The following VWC2L variants were observed in gnomAD, a reference collection of about 807,000 sequenced individuals.
VWC2L encodes the protein von Willebrand factor C domain containing 2 like, also known as von Willebrand factor C domain-containing protein 2-like.
VWC2L carries 10 observed loss-of-function variants against 21.6 expected under a neutral mutation model. That is an observed-to-expected ratio of 0.46 (90% confidence interval 0.29 to 0.78). VWC2L has a LOEUF of 0.78. VWC2L is among the 30% of genes least tolerant of loss of function. The pLI, the probability that VWC2L is intolerant of heterozygous loss-of-function variation, is 0.10. For missense variants in VWC2L, 209 were observed against 277.1 expected (o/e 0.75, Z 1.74); for synonymous variants, 96 against 94.3 (o/e 1.02, Z -0.10).
chr2:214,548,416 A>G (rs1187489389), intron 3 of VWC2L, among the ~76,000 whole-genome samples: 1 of 152,272 alleles, frequency 6.6e-6, no homozygotes, highest in African/African-American at 2.4e-5. Context: ...TAAACAGTGC[A>G]AGCCAGGACT....
chr2:214,570,889 G>A (rs1690139918), intron 3 of VWC2L, among the ~76,000 whole-genome samples: 1 of 152,138 alleles, frequency 6.6e-6, no homozygotes, highest in Non-Finnish European at 1.5e-5. Context: ...CAGGTCTCCT[G>A]AGTTATGGGC....
chr2:214,516,247 G>A (rs1199498319), intron 3 of VWC2L, among the ~76,000 whole-genome samples: 1 of 151,990 alleles, frequency 6.6e-6, no homozygotes, highest in African/African-American at 2.4e-5. Context: ...ACTCTTCTCG[G>A]TGTATCGCCC....
intron 3 of VWC2L, among the ~76,000 whole-genome samples, chr2:214,475,243 C>A (rs1041795604): frequency 2.0e-5 from 3 of 151,914 alleles, no homozygotes; most frequent in Non-Finnish European, 4.4e-5. Flanking sequence ...CCAAATGGAC[C>A]AGGGATGACA....
At chr2:214,426,228 T>C (rs1702523379) in intron 2 of VWC2L, among the ~76,000 whole-genome samples, 1 of 140,938 alleles carries the variant, frequency 7.1e-6, no homozygotes, top group South Asian at 2.3e-4. Flanking sequence ...AAGGAAGATA[T>C]GCTAAGAGTG....
At chr2:214,447,800 A>C (rs958234706) in intron 3 of VWC2L, among the ~76,000 whole-genome samples, 1 of 151,912 alleles carries the variant, frequency 6.6e-6, no homozygotes, top group Non-Finnish European at 1.5e-5. Flanking sequence ...CTCCGTCTAA[A>C]CCTTCTTGGG....
At chr2:214,551,355 T>C (rs1689791799) in intron 3 of VWC2L, among the ~76,000 whole-genome samples, 1 of 152,218 alleles carries the variant, frequency 6.6e-6, no homozygotes, top group Non-Finnish European at 1.5e-5. Flanking sequence ...CCTTGAGCTG[T>C]AATAAATTTA....
intron 3 of VWC2L, among the ~76,000 whole-genome samples, chr2:214,549,632 G>A (rs1689761563): frequency 6.6e-6 from 1 of 152,170 alleles, no homozygotes; most frequent in Non-Finnish European, 1.5e-5. Context: ...AATTAGCCGG[G>A]CGTGGTGGTG....
chr2:214,481,441 G>T (rs1439994206), intron 3 of VWC2L, among the ~76,000 whole-genome samples: 4 of 152,160 alleles, frequency 2.6e-5, no homozygotes, highest in African/African-American at 9.7e-5. Flanking sequence ...ATTTTTAGAT[G>T]TTCTTGAAAT....
At chr2:214,553,855 G>A (rs1051569205) in intron 3 of VWC2L, among the ~76,000 whole-genome samples, 3 of 152,010 alleles carry the variant, frequency 2.0e-5, no homozygotes, top group African/African-American at 7.2e-5. Flanking sequence ...TTCATTTTTG[G>A]TTTACAGCAC....
intron 3 of VWC2L, among the ~76,000 whole-genome samples, chr2:214,483,880 T>C (rs1688640827): frequency 6.6e-6 from 1 of 152,150 alleles, no homozygotes; most frequent in African/African-American, 2.4e-5. Flanking sequence ...TACCATGAAC[T>C]GAGTGGCTTG....
chr2:214,417,072 C>T (rs902190429), intron 2 of VWC2L, among the ~76,000 whole-genome samples: 5 of 152,054 alleles, frequency 3.3e-5, no homozygotes, highest in African/African-American at 1.2e-4. Flanking sequence ...AAATATTAGC[C>T]ATAATCTGTC....
intron 1 of VWC2L, among the ~76,000 whole-genome samples, 178 bp from the exon 2 acceptor site, chr2:214,413,936 A>G (rs1372819195): frequency 1.3e-5 from 2 of 152,180 alleles, no homozygotes; most frequent in Non-Finnish European, 2.9e-5. Flanking sequence ...TAATGCATAT[A>G]TTGCCAAGTA....
At chr2:214,450,679 C>G (rs1335528500) in intron 3 of VWC2L, among the ~76,000 whole-genome samples, 1 of 151,988 alleles carries the variant, frequency 6.6e-6, no homozygotes, top group East Asian at 1.9e-4. Context: ...ATAGAGGGCT[C>G]CTGGGAGAGA....
intron 3 of VWC2L, among the ~76,000 whole-genome samples, chr2:214,513,248 T>A (rs1177105176): frequency 6.6e-6 from 1 of 152,126 alleles, no homozygotes; most frequent in Non-Finnish European, 1.5e-5. Flanking sequence ...CACTAGACCT[T>A]TCCCCTGACC....
At chr2:214,554,740 C>A (rs184937470) in intron 3 of VWC2L, among the ~76,000 whole-genome samples, 1 of 152,146 alleles carries the variant, frequency 6.6e-6, no homozygotes, top group Admixed American at 6.6e-5. Context: ...AAAGAGAAAT[C>A]TTAAGACTGA....
chr2:214,536,104 GC>G (rs778458839), intron 3 of VWC2L, among the ~76,000 whole-genome samples: 5 of 152,190 alleles, frequency 3.3e-5, no homozygotes, highest in Non-Finnish European at 5.9e-5. Flanking sequence ...CACCATTAGA[GC>G]CCCCATGACT....
At chr2:214,424,277 G>C (rs1702489913) in intron 2 of VWC2L, among the ~76,000 whole-genome samples, 1 of 152,010 alleles carries the variant, frequency 6.6e-6, no homozygotes, top group African/African-American at 2.4e-5. Context: ...TATTTTTCAT[G>C]GTCAAATAAA....
At chr2:214,453,321 G>C (rs1703004217) in intron 3 of VWC2L, among the ~76,000 whole-genome samples, 1 of 152,076 alleles carries the variant, frequency 6.6e-6, no homozygotes, top group Non-Finnish European at 1.5e-5. Flanking sequence ...CATTTGCCAA[G>C]ACAACTATTC....
chr2:214,412,081 G>A (rs1415186050), intron 1 of VWC2L, among the ~76,000 whole-genome samples: 1 of 150,922 alleles, frequency 6.6e-6, no homozygotes, highest in African/African-American at 2.4e-5. Flanking sequence ...ATAAAATCTT[G>A]TTTTTTACCA....
Sources: gnomAD v4.1 joint callset for allele counts (sites outside exome capture counted in the v4.1 genomes callset) on GRCh38, gnomAD v4.1.1 for gene constraint, MANE v1.5 for transcripts, NCBI Gene and HGNC (gene_info 2026-07-23, HGNC 2026-07-21) for gene names.